The following CDKL2 variants were observed in gnomAD, a reference collection of about 807,000 sequenced individuals.
The protein encoded by CDKL2 is cyclin dependent kinase like 2.
A neutral mutation model predicts 63.9 loss-of-function variants in CDKL2; 64 were observed. The observed-to-expected ratio is 1.00, with a 90% CI of 0.82 to 1.23. The LOEUF (loss-of-function observed/expected upper bound fraction) is 1.23, where lower values mean the gene tolerates loss of function less well. CDKL2 is among the 50% of genes most tolerant of loss of function. The probability of loss-of-function intolerance (pLI) is 0.00; values close to 1 mark genes in which losing one functional copy is unlikely to be tolerated. For synonymous variants in CDKL2, 211 were observed against 229.2 expected, an observed-to-expected ratio of 0.92 and a Z score of 0.72; for missense variants, 656 against 668.0, an observed-to-expected ratio of 0.98 and a Z score of 0.20.
chr4:75,590,455 C>T (rs1728670451), intron 12 of CDKL2, among the ~76,000 whole-genome samples: 1 of 152,224 alleles, frequency 6.6e-6, no homozygotes, highest in Non-Finnish European at 1.5e-5. Flanking sequence ...TGCCTCATGC[C>T]TATAATCCCA....
At chr4:75,626,598 C>T (rs540086579) in intron 1 of CDKL2, among the ~76,000 whole-genome samples, 2 of 148,398 alleles carry the variant, frequency 1.3e-5, no homozygotes, top group South Asian at 2.2e-4. Context: ...ACCCGGGAGG[C>T]GGAGCTTGCA....
At position 75,625,840 on chromosome 4, in the gene CDKL2, C is replaced by T. The variant is rs771311219; in HGVS notation, c.149G>A (p.Arg50Gln). 5.6e-6 allele frequency: 9 copies of T among 1,611,396 alleles called. No individual in the cohort carries two copies. The highest frequency in any genetic ancestry group is 1.1e-5 in the South Asian group (1 of 90,164). The change falls in exon 2 of 14, where the codon CGA (arginine) becomes CAA (glutamine). Residue 50 changes from arginine (R) to glutamine (Q), a missense_variant. Coordinates refer to ENST00000307465, the MANE Select transcript of CDKL2 (RefSeq NM_001330724.2). ...ACTCACCTTTAGTAACTTGATTTCT[C>T]GCATTGCAATCTTTTTAACCATTTT... Reference protein sequence around the residue: ...DDKMVKKIAMREIKLLKQLRH... With the variant: ...DDKMVKKIAMQEIKLLKQLRH...
In CDKL2 at chr4:75,596,892, A is replaced by G. The variant is rs138810739; in HGVS notation, c.1322+43T>C. The stretch of plus-strand genomic sequence containing the variant: ...TGACAAACCCTTGCAATTTGCAAAT[A>G]TGTCCTTAAACACTTTTTTGATCTT... On this transcript the variant is annotated intron_variant, in intron 9 of 13. Transcript: ENST00000307465. 1.7e-5 allele frequency: 26 copies of G among 1,513,374 alleles called. No homozygotes were observed. In the East Asian group the frequency reaches 5.2e-4, roughly 30 times the overall value. The allele number at this position is 1,513,374 out of a possible 1,614,324, so 93.7% of individuals were successfully genotyped here. A position where few individuals can be genotyped will look rare whatever the true frequency, so the allele number is the denominator to read the frequency against.
At chr4:75,606,850 C>T (rs183040775) in intron 4 of CDKL2, among the ~76,000 whole-genome samples, 4 of 152,242 alleles carry the variant, frequency 2.6e-5, no homozygotes, top group African/African-American at 9.6e-5. Flanking sequence ...ATATTTCTGC[C>T]TCCACCCTTG....
intron 7 of CDKL2, among the ~76,000 whole-genome samples, chr4:75,599,206 T>C (rs184114865): frequency 1.3e-5 from 2 of 152,258 alleles, no homozygotes; most frequent in Admixed American, 1.3e-4. Context: ...GATTTTAATT[T>C]AACAAAGGAA....
Position 75,629,938 on chromosome 4 carries a change from C to CAA in CDKL2, c.-30+102_-30+103dup, listed in dbSNP as rs747587721. 2.7e-4 allele frequency: 20 copies of CAA among 74,202 alleles called. 4 individuals carry two copies. Among genetic ancestry groups the CAA allele is most frequent in the Non-Finnish European group, 4.0e-4 (16 of 39,872 alleles). 4.6% of individuals were successfully genotyped at this position (74,202 alleles called of 1,614,324 possible). A position where few individuals can be genotyped will look rare whatever the true frequency, so the allele number is the denominator to read the frequency against. On this transcript the variant is annotated intron_variant, in intron 1 of 13. Transcript: ENST00000307465. ...GGGCAACAAGAGTGAAACTCCGTCT[C>CAA]AAAAAAAAAAAAAAAAAAAAAAAAA...
intron 13 of CDKL2, among the ~76,000 whole-genome samples, chr4:75,580,723 C>G (rs1218795079): frequency 2.2e-5 from 3 of 137,102 alleles, no homozygotes; most frequent in Non-Finnish European, 3.1e-5. Context: ...TTTTTTGAGA[C>G]GGAGTCTCGC....
At chr4:75,619,227 G>C (rs1034272185) in intron 2 of CDKL2, among the ~76,000 whole-genome samples, 62 of 152,146 alleles carry the variant, frequency 4.1e-4, no homozygotes, top group African/African-American at 1.4e-3. Context: ...ATTACTAAAG[G>C]GGGTAAAAGA....
rs1324826820 is a variant in CDKL2 at position 75,618,099 on chromosome 4, T to TG, written c.169-3651_169-3650insC. The stretch of plus-strand genomic sequence containing the variant: ...CTGGGCAACAGAGCGAGACTCTGTC[T>TG]CAAAAAAAAAAAAAAAAAAAGCACA... On this transcript the variant is annotated intron_variant, in intron 2 of 13. Coordinates refer to ENST00000307465, the MANE Select transcript of CDKL2 (RefSeq NM_001330724.2). Among the ~76,000 whole-genome samples the TG allele has an allele frequency of 1.1e-4, 5 of 43,744 alleles. 1 individual carries two copies. In the East Asian group the frequency reaches 7.2e-3, roughly 63 times the overall value. The allele number at this position is 43,744 out of a possible 152,430, so 28.7% of individuals were successfully genotyped here.
At chr4:75,627,190 G>A (rs1371717997) in intron 1 of CDKL2, among the ~76,000 whole-genome samples, 4 of 148,710 alleles carry the variant, frequency 2.7e-5, no homozygotes, top group Non-Finnish European at 4.4e-5. Context: ...GTGACAGAGT[G>A]AGACTCTGTC....
chr4:75,613,448 T>G (rs1729792330), intron 3 of CDKL2, among the ~76,000 whole-genome samples: 1 of 152,194 alleles, frequency 6.6e-6, no homozygotes, highest in Non-Finnish European at 1.5e-5. Flanking sequence ...CCATTAATAT[T>G]TATTACTCTT....
chr4:75,583,718 G>A (rs925828577), intron 12 of CDKL2, among the ~76,000 whole-genome samples: 3 of 152,150 alleles, frequency 2.0e-5, no homozygotes, highest in Admixed American at 2.0e-4. Flanking sequence ...TTTCCTGGAT[G>A]ATGGAGAAAT....
chr4:75,581,989 A>C, intron 12 of CDKL2, 91 bp from the exon 13 acceptor site: 1 of 797,762 alleles, frequency 1.3e-6, no homozygotes. Context: ...CAAATATTAG[A>C]TGTTTATAAT....
chr4:75,585,179 C>T (rs1358759525), intron 12 of CDKL2, among the ~76,000 whole-genome samples: 1 of 152,110 alleles, frequency 6.6e-6, no homozygotes, highest in Non-Finnish European at 1.5e-5. Context: ...CTTCAAAGCA[C>T]AGACCACTAC....
At chr4:75,586,668 A>G (rs1728495748) in intron 12 of CDKL2, among the ~76,000 whole-genome samples, 1 of 152,210 alleles carries the variant, frequency 6.6e-6, no homozygotes, top group African/African-American at 2.4e-5. Flanking sequence ...ATAGAATAAC[A>G]TACAGCTAAT....
At chr4:75,580,101 A>G (rs1728196250) in intron 13 of CDKL2, among the ~76,000 whole-genome samples, 1 of 152,098 alleles carries the variant, frequency 6.6e-6, no homozygotes, top group South Asian at 2.1e-4. Context: ...GTGAAACCCC[A>G]TCTCTACTAA....
intron 7 of CDKL2, among the ~76,000 whole-genome samples, chr4:75,598,721 G>A (rs554202284): frequency 7.2e-5 from 11 of 151,930 alleles, no homozygotes; most frequent in African/African-American, 2.7e-4. Context: ...GAGAATATAC[G>A]TAAAGCACCT....
intron 3 of CDKL2, among the ~76,000 whole-genome samples, chr4:75,610,510 G>A (rs1729643756): frequency 6.6e-6 from 1 of 151,944 alleles, no homozygotes; most frequent in African/African-American, 2.4e-5. Flanking sequence ...CTCTGACATG[G>A]GTCTTTAATA....
At chr4:75,627,569 C>A (rs1730477562) in intron 1 of CDKL2, among the ~76,000 whole-genome samples, 1 of 151,990 alleles carries the variant, frequency 6.6e-6, no homozygotes, top group South Asian at 2.1e-4. Context: ...GAGCGCCCGG[C>A]CTGAATTTAG....
Sources: allele counts gnomAD v4.1 joint callset (sites outside exome capture counted in the v4.1 genomes callset), GRCh38; gene constraint gnomAD v4.1.1; transcripts MANE v1.5; gene names NCBI Gene and HGNC (gene_info 2026-07-23, HGNC 2026-07-21).